The following KIF2C variants were observed in gnomAD, a reference collection of about 807,000 sequenced individuals.
KIF2C encodes the protein kinesin family member 2C, also known as kinesin-like protein KIF2C.
KIF2C carries 34 observed loss-of-function variants against 97.4 expected under a neutral mutation model. The observed-to-expected ratio is 0.35, with a 90% confidence interval of 0.27 to 0.46. The LOEUF (loss-of-function observed/expected upper bound fraction) is 0.46. Among genes scored for constraint, KIF2C ranks in the 20% least tolerant of loss-of-function variants. The pLI, the probability that KIF2C is intolerant of heterozygous loss-of-function variation, is 1.00. For missense variants in KIF2C, 750 were observed against 907.6 expected (o/e 0.83, Z 2.23); for synonymous variants, 313 against 318.2 (o/e 0.98, Z 0.17).
chr1:44,746,748 T>C, intron 2 of KIF2C: 4 of 1,610,068 alleles, frequency 2.5e-6, no homozygotes, highest in Non-Finnish European at 3.4e-6. Flanking sequence ...GAAACCCATA[T>C]CCATCTAGAT....
chr1:44,767,301 C>A lies in KIF2C; in HGVS notation c.*122C>A. On this transcript the variant is annotated 3_prime_UTR_variant, in exon 21 of 21. Transcript: ENST00000372224. ...AGCTGGGACAGGTTCTGGTAAATGC[C>A]AAGTATGGGGGCATCTGGGCCCAGG... 1.3e-6 allele frequency: 1 copy of A among 788,776 alleles called. No homozygotes were observed. Among genetic ancestry groups the A allele is most frequent in the Non-Finnish European group, 2.1e-6 (1 of 476,770 alleles). 48.9% of individuals were successfully genotyped at this position (788,776 alleles called of 1,614,324 possible).
chr1:44,755,932 G>C lies in KIF2C; in HGVS notation c.763G>C (p.Glu255Gln). ...CHPLTMTDPI[E>Q]EHRICVCVRK... is the part of the protein sequence containing the mutation. ...GCCTCCTCTCATCCGCTTGCAGATCGAAGAGCACAGAATATGTGTCTGTGT... is the reference window on the plus strand; with the variant it reads ...GCCTCCTCTCATCCGCTTGCAGATCCAAGAGCACAGAATATGTGTCTGTGT... The change falls in exon 9 of 21, where the codon GAA becomes CAA. Residue 255 changes from glutamate (E) to glutamine (Q), a missense_variant. Physicochemically the swap from Glu to Gln is conservative, Grantham distance 29 (BLOSUM62 2). Transcript: ENST00000372224. The C allele has an allele frequency of 6.2e-7, 1 of 1,613,860 alleles. No individual in the cohort carries two copies. The highest frequency in any genetic ancestry group is 8.5e-7 in the Non-Finnish European group (1 of 1,179,948).
rs1267422359 is a variant in KIF2C, at chr1:44,740,933, G to C, written c.91G>C (p.Val31Leu). The C allele has an allele frequency of 1.9e-6, 3 of 1,613,396 alleles. No individual in the cohort carries two copies. The highest frequency in any genetic ancestry group is 2.5e-6 in the Non-Finnish European group (3 of 1,179,420). Residue 31 changes from valine (V) to leucine (L), a missense_variant, in exon 2 of 21, where the codon GTA becomes CTA. Transcript: ENST00000372224. ...TATAGGTTTAATTCACAGTGCCAAT[G>C]TAAGGACTGTGAACTTGGAGAAATC... ...RSNGLIHSAN[V>L]RTVNLEKSCV...
In KIF2C at chr1:44,759,314, GTC is replaced by G; in HGVS notation, c.1334_1335del (p.Val445AspfsTer36). On this transcript the variant is annotated frameshift_variant, in exon 14 of 21. Transcript: ENST00000372224. LOFTEE classifies it high-confidence loss of function. The stretch of plus-strand genomic sequence containing the variant: ...GCATCTGGTTAACTCTGCTGATGAT[GTC>G]ATCAAGATGATCGACATGGGCAGCG... ...QEHLVNSADD[V>X]IKMIDMGSAC... 1 of 1,614,208 alleles carries G rather than the reference GTC, an allele frequency of 6.2e-7. No individual in the cohort carries two copies. Among genetic ancestry groups the G allele is most frequent in the Non-Finnish European group, 8.5e-7 (1 of 1,180,032 alleles).
chr1:44,753,000 A>T, intron 5 of KIF2C, 132 bp from the exon 6 acceptor site: 13 of 1,114,728 alleles, frequency 1.2e-5, no homozygotes, highest in Non-Finnish European at 1.7e-5. Flanking sequence ...GGAAAAGCAC[A>T]AGCTCTGCAC....
rs963284024 is a variant in KIF2C at position 44,740,153 on chromosome 1, G to A, written c.70+151G>A. On this transcript the variant is annotated intron_variant, in intron 1 of 20. Coordinates refer to ENST00000372224, the MANE Select transcript of KIF2C (RefSeq NM_006845.4). ...CTCACTCCGGGTCTCTGCACTGGCA[G>A]TCATTCTTGCCTACACAGGGGTGAG... 26 of 917,666 alleles carry A rather than the reference G, an allele frequency of 2.8e-5. No individual in the cohort carries two copies. In the South Asian group the frequency reaches 3.6e-4, roughly 13 times the overall value. 56.8% of individuals were successfully genotyped at this position (917,666 alleles called of 1,614,324 possible).
intron 13 of KIF2C, among the ~76,000 whole-genome samples, chr1:44,758,726 A>C (rs1362453771): frequency 6.6e-6 from 1 of 152,066 alleles, no homozygotes; most frequent in Non-Finnish European, 1.5e-5. Flanking sequence ...AACACAAAAA[A>C]TTAGCTGGGC....
intron 11 of KIF2C, 41 bp downstream of exon 11, chr1:44,757,687 T>C: frequency 1.4e-6 from 2 of 1,405,074 alleles, no homozygotes; most frequent in Non-Finnish European, 2.0e-6. Context: ...CTTTCCCTTG[T>C]GCACCCCTGG....
chr1:44,756,144 A>C lies in KIF2C; in HGVS notation c.884A>C (p.Lys295Thr). The C allele has an allele frequency of 1.2e-6, 2 of 1,614,210 alleles. No individual in the cohort carries two copies. The highest frequency in any genetic ancestry group is 1.1e-5 in the South Asian group (1 of 91,088). Reference sequence around the variant, plus strand: ...TGTCTCCTCTTGGTACATGAACCCAAGTTGAAAGTGGACTTAACAAAGTAT... The same window carrying C: ...TGTCTCCTCTTGGTACATGAACCCACGTTGAAAGTGGACTTAACAAAGTAT... ...SKCLLLVHEPKLKVDLTKYLE... is the reference protein window; with the variant it reads ...SKCLLLVHEPTLKVDLTKYLE... Residue 295 changes from lysine to threonine, a missense_variant, in exon 10 of 21, where the codon AAG becomes ACG. By Grantham distance (78) the Lys-to-Thr change is moderately conservative. Coordinates refer to ENST00000372224, the MANE Select transcript of KIF2C (RefSeq NM_006845.4).
At position 44,741,004 on chromosome 1, in the gene KIF2C, A is replaced by G. The variant is rs375173098; in HGVS notation, c.162A>G (p.Lys54=). 2.2e-5 allele frequency: 36 copies of G among 1,611,602 alleles called. No individual in the cohort carries two copies. Among genetic ancestry groups the G allele is most frequent in the Non-Finnish European group, 8.5e-7 (1 of 1,177,964 alleles). The part of the protein sequence containing the change: ...EWAEGGATKG[K]EIDFDDVAAI... ...CAGAAGGAGGTGCCACAAAGGGCAA[A>G]GAGGTAGGTTCTATGAGAATTCCTC... The change falls in exon 2 of 21, where the codon AAA becomes AAG. Residue 54 remains lysine, a synonymous_variant. Transcript: ENST00000372224.
rs1350641528 is a variant in KIF2C at position 44,766,945 on chromosome 1, G to A, written c.2091G>A (p.Leu697=). Residue 697 remains leucine, a synonymous_variant, in exon 20 of 21, where the codon CTG becomes CTA. Coordinates refer to ENST00000372224, the MANE Select transcript of KIF2C (RefSeq NM_006845.4). ...LAQQAKHFSA[L]RDVIKALRLA... ...AGCAAGCCAAGCATTTCTCAGCCCTGCGAGGTGGGTGTGGCTGGATGGGGT... is the reference window on the plus strand; with the variant it reads ...AGCAAGCCAAGCATTTCTCAGCCCTACGAGGTGGGTGTGGCTGGATGGGGT... 1.2e-6 allele frequency: 2 copies of A among 1,614,216 alleles called. No individual in the cohort carries two copies. The highest frequency in any genetic ancestry group is 1.7e-6 in the Non-Finnish European group (2 of 1,180,036).
chr1:44,749,775 A>C (rs186207104), intron 4 of KIF2C, among the ~76,000 whole-genome samples: 1 of 151,504 alleles, frequency 6.6e-6, no homozygotes, highest in Admixed American at 6.6e-5. Context: ...GCAGTGTGAG[A>C]CTCTGTCTCT....
At chr1:44,755,566 G>C (rs748655820) in intron 8 of KIF2C, among the ~76,000 whole-genome samples, 17 of 152,186 alleles carry the variant, frequency 1.1e-4, no homozygotes, top group Non-Finnish European at 2.4e-4. Flanking sequence ...GCCCAGCCGA[G>C]GTTATTTTTT....
chr1:44,762,822 GTTC>G (rs912845648), intron 19 of KIF2C, among the ~76,000 whole-genome samples, 164 bp downstream of exon 19: 22 of 152,306 alleles, frequency 1.4e-4, no homozygotes, highest in Middle Eastern at 3.4e-3. Flanking sequence ...TAACCCAGCT[GTTC>G]TTCTAATTAT....
At chr1:44,741,117 T>C in intron 2 of KIF2C, 110 bp downstream of exon 2, 3 of 794,762 alleles carry the variant, frequency 3.8e-6, no homozygotes, top group Non-Finnish European at 6.1e-6. Context: ...CTCTTCTCAC[T>C]CACGCCTGTA....
Position 44,757,898 on chromosome 1 carries a change from C to G in KIF2C, c.1069-10C>G. 1 of 1,613,856 alleles carries G rather than the reference C, an allele frequency of 6.2e-7. No homozygotes were observed. The highest frequency in any genetic ancestry group is 8.5e-7 in the Non-Finnish European group (1 of 1,179,840). On this transcript the variant is annotated splice_polypyrimidine_tract_variant and intron_variant, in intron 11 of 20. Transcript: ENST00000372224. ...CCTTTTCCATGGTCTTCTACCCCTT[C>G]CCTTTGCAGACTATGGGCGGAGACC...
At chr1:44,753,476 G>A (rs1039450205) in intron 6 of KIF2C, among the ~76,000 whole-genome samples, 2 of 152,234 alleles carry the variant, frequency 1.3e-5, no homozygotes, top group African/African-American at 4.8e-5. Context: ...CATAGGAAGA[G>A]CTTGGGTTAG....
intron 16 of KIF2C, 70 bp from the exon 17 acceptor site, chr1:44,761,846 C>G: frequency 2.1e-6 from 3 of 1,419,824 alleles, no homozygotes; most frequent in Non-Finnish European, 3.0e-6. Flanking sequence ...ACTGGAGGCC[C>G]CTCAGGGACA....
At chr1:44,758,484 C>G (rs745987035) in intron 13 of KIF2C, among the ~76,000 whole-genome samples, 121 of 152,284 alleles carry the variant, frequency 7.9e-4, no homozygotes, top group Non-Finnish European at 1.5e-3. Context: ...CACCATATAT[C>G]TCTTCCACCC....
Sources: allele counts gnomAD v4.1 joint callset (sites outside exome capture counted in the v4.1 genomes callset), GRCh38; gene constraint gnomAD v4.1.1; transcripts MANE v1.5; gene names NCBI Gene and HGNC (gene_info 2026-07-23, HGNC 2026-07-21).